Variants in CSMD2 observed in about 807,000 individuals in gnomAD.
CSMD2 encodes CUB and Sushi multiple domains 2.
In CSMD2, 130 loss-of-function variants were observed where a neutral mutation model predicts 398.5. That is an observed-to-expected ratio of 0.33 (90% CI 0.28 to 0.38). The LOEUF is 0.38. Ranked by LOEUF, CSMD2 falls within the 10% of genes least tolerant of loss-of-function variation. CSMD2 has a pLI of 1.00. For synonymous variants in CSMD2, 1,828 were observed against 1,908.5 expected (o/e 0.96, Z 1.10); for missense variants, 3,829 against 4,764.9 (o/e 0.80, Z 5.78).
At chr1:33,587,652 C>T (rs1639178905) in intron 44 of CSMD2, among the ~76,000 whole-genome samples, 2 of 152,228 alleles carry the variant, frequency 1.3e-5, no homozygotes, top group African/African-American at 4.8e-5. Context: ...CACCACTGAG[C>T]ATCTACATGC....
intron 31 of CSMD2, among the ~76,000 whole-genome samples, chr1:33,634,956 T>C (rs1642708364): frequency 6.6e-6 from 1 of 152,126 alleles, no homozygotes. Context: ...GCCTTCCCTC[T>C]GTCTTGGCCA....
intron 2 of CSMD2, among the ~76,000 whole-genome samples, chr1:34,077,365 G>A (rs1656524642): frequency 6.8e-6 from 1 of 146,480 alleles, no homozygotes; most frequent in South Asian, 2.2e-4. Context: ...GCTGAGGCAG[G>A]AGAATGGCGT....
At chr1:33,927,382 T>A (rs186707414) in intron 4 of CSMD2, among the ~76,000 whole-genome samples, 1 of 152,188 alleles carries the variant, frequency 6.6e-6, no homozygotes, top group Non-Finnish European at 1.5e-5. Context: ...AGGGGAAGAA[T>A]GTAGACAGGA....
At chr1:33,618,244 C>A (rs1051711133) in intron 37 of CSMD2, among the ~76,000 whole-genome samples, 2 of 152,166 alleles carry the variant, frequency 1.3e-5, no homozygotes, top group African/African-American at 4.8e-5. Context: ...CACACTTCAA[C>A]TCCCGTGTTC....
chr1:34,084,853 C>T (rs1475373509), intron 2 of CSMD2, among the ~76,000 whole-genome samples: 9 of 152,104 alleles, frequency 5.9e-5, no homozygotes, highest in Non-Finnish European at 1.3e-4. Context: ...CTAGAAATAC[C>T]ATTTGACCCA....
At chr1:34,112,883 A>AG (rs1661226345) in intron 1 of CSMD2, 1 of 152,340 alleles carries the variant, frequency 6.6e-6, no homozygotes, top group East Asian at 1.9e-4. Context: ...CTCATGGCTG[A>AG]GGGGCAGCTG....
At chr1:33,552,811 C>T (rs561507151) in intron 55 of CSMD2, among the ~76,000 whole-genome samples, 108 of 151,972 alleles carry the variant, frequency 7.1e-4, no homozygotes, top group Non-Finnish European at 1.2e-3. Context: ...CTTTTAAGGG[C>T]TGCTTGGGAA....
At position 33,935,749 on chromosome 1, in the gene CSMD2, T is replaced by G; in HGVS notation, c.712+11A>C. On this transcript the variant is annotated intron_variant, in intron 4 of 70. Coordinates refer to ENST00000373381, the MANE Select transcript of CSMD2 (RefSeq NM_001281956.2). ...TGCCCCACTCTGTCAGACCCCTTGC[T>G]GGCCACCTACCTCTGCAGGAAGGCA... is the stretch of plus-strand genomic sequence containing the variant. 4 of 1,589,332 alleles carry G rather than the reference T, an allele frequency of 2.5e-6. No homozygotes were observed. The highest frequency in any genetic ancestry group is 3.4e-6 in the Non-Finnish European group (4 of 1,168,790).
chr1:33,777,581 C>G (rs113577863), intron 12 of CSMD2, among the ~76,000 whole-genome samples: 114 of 152,346 alleles, frequency 7.5e-4, no homozygotes, highest in Non-Finnish European at 1.3e-3. Flanking sequence ...TGCAAATAGA[C>G]AAATGGATTT....
chr1:33,671,916 A>AACAAAC (rs1644513977), intron 25 of CSMD2, among the ~76,000 whole-genome samples: 1 of 152,176 alleles, frequency 6.6e-6, no homozygotes, highest in Non-Finnish European at 1.5e-5. Context: ...CAAAAACAAA[A>AACAAAC]ACAAACAAAC....
intron 12 of CSMD2, 76 bp downstream of exon 12, chr1:33,788,524 A>AAG (rs1653827869): frequency 1.2e-6 from 1 of 854,584 alleles, no homozygotes; most frequent in African/African-American, 1.7e-5. Flanking sequence ...AAAAAAAAAA[A>AAG]AAATTCTGAC....
In CSMD2 at chr1:34,164,755, G is replaced by C. The variant is rs967935087; in HGVS notation, c.187+156C>G. 8.6e-5 allele frequency among the ~76,000 whole-genome samples: 13 copies of C among 151,604 alleles called. No individual in the cohort carries two copies. The highest frequency in any genetic ancestry group is 1.3e-4 in the Non-Finnish European group (9 of 67,870). On this transcript the variant is annotated intron_variant, in intron 1 of 70. Transcript: ENST00000373381. The surrounding 1 kb of genome is among the most constrained non-coding windows in gnomAD (Gnocchi z 6.2). ...GCTGAGGGTGGGGTGGGAGACGGAG[G>C]CAGGGATGAGAATGAGAGTAGGCAA...
chr1:34,120,503 G>A (rs1175290166), intron 1 of CSMD2, among the ~76,000 whole-genome samples: 1 of 152,192 alleles, frequency 6.6e-6, no homozygotes, highest in African/African-American at 2.4e-5. Context: ...GATTTATACA[G>A]AGCAATATGA....
At chr1:33,590,949 G>A (rs184037225) in intron 44 of CSMD2, among the ~76,000 whole-genome samples, 1 of 147,380 alleles carries the variant, frequency 6.8e-6, no homozygotes, top group African/African-American at 2.5e-5. Context: ...TGGGTGTGCT[G>A]AATTGGCCTT....
intron 5 of CSMD2, among the ~76,000 whole-genome samples, chr1:33,872,996 G>C (rs1282906913): frequency 1.3e-5 from 2 of 152,196 alleles, no homozygotes; most frequent in Non-Finnish European, 2.9e-5. Context: ...CCTTTGAGTA[G>C]CAGTGTTTAT....
chr1:33,735,284 G>A (rs568591845), intron 15 of CSMD2, among the ~76,000 whole-genome samples: 9 of 152,176 alleles, frequency 5.9e-5, no homozygotes, highest in African/African-American at 1.4e-4. Context: ...GGACAATAAC[G>A]ACATCTATTT....
intron 1 of CSMD2, among the ~76,000 whole-genome samples, chr1:34,123,787 G>A (rs1339153997): frequency 6.6e-6 from 1 of 152,014 alleles, no homozygotes; most frequent in East Asian, 1.9e-4. Flanking sequence ...TGTTGTGTTG[G>A]TGGTGGCTGT....
At chr1:33,930,009 T>C (rs1206065209) in intron 4 of CSMD2, among the ~76,000 whole-genome samples, 1 of 152,216 alleles carries the variant, frequency 6.6e-6, no homozygotes, top group Non-Finnish European at 1.5e-5. Flanking sequence ...ACCTGTTTAT[T>C]TGGCGTGTGT....
intron 3 of CSMD2, among the ~76,000 whole-genome samples, chr1:34,010,384 G>A (rs561975561): frequency 3.3e-5 from 5 of 152,228 alleles, no homozygotes; most frequent in Middle Eastern, 3.4e-3. Flanking sequence ...CATCATCTAC[G>A]AGCATTTAAA....
Sources: gnomAD v4.1 joint callset for allele counts (sites outside exome capture counted in the v4.1 genomes callset) on GRCh38, gnomAD v4.1.1 for gene constraint, Gnocchi (gnomAD v3.1) non-coding constraint, MANE v1.5 for transcripts, NCBI Gene and HGNC (gene_info 2026-07-23, HGNC 2026-07-21) for gene names.